PI4KA: variants seen among roughly 807,000 people sequenced by gnomAD.
PI4KA encodes phosphatidylinositol 4-kinase alpha, also known as PI4-kinase alpha.
PI4KA carries 122 observed loss-of-function variants against 271.4 expected under a neutral mutation model. That is an observed-to-expected ratio of 0.45 (90% confidence interval 0.39 to 0.52). The LOEUF (loss-of-function observed/expected upper bound fraction) is 0.52. Ranked by LOEUF, PI4KA falls within the 20% of genes least tolerant of loss-of-function variation. The pLI, the probability that PI4KA is intolerant of heterozygous loss-of-function variation, is 0.00. For synonymous variants in PI4KA, 1,041 were observed against 1,078.8 expected (o/e 0.96, Z 0.69); for missense variants, 1,969 against 2,769.1 (o/e 0.71, Z 6.48).
At chr22:20,788,174 C>G (rs935382287) in intron 19 of PI4KA, among the ~76,000 whole-genome samples, 2 of 152,176 alleles carry the variant, frequency 1.3e-5, no homozygotes, top group Non-Finnish European at 2.9e-5. Flanking sequence ...AGGTGTCTAA[C>G]TGTAACCCCC....
At chr22:20,840,812 T>C (rs1925453750) in intron 1 of PI4KA, among the ~76,000 whole-genome samples, 2 of 152,038 alleles carry the variant, frequency 1.3e-5, no homozygotes, top group African/African-American at 2.4e-5. Flanking sequence ...GCCCAGGAGT[T>C]TGAGACCAGC....
intron 42 of PI4KA, chr22:20,725,541 T>C (rs950462420): frequency 2.2e-6 from 1 of 450,126 alleles, no homozygotes; most frequent in Non-Finnish European, 4.5e-6. Flanking sequence ...AAGGGGAGAT[T>C]AGGACACAGA....
chr22:20,844,954 T>C (rs577791233), intron 1 of PI4KA, among the ~76,000 whole-genome samples: 1 of 152,158 alleles, frequency 6.6e-6, no homozygotes, highest in African/African-American at 2.4e-5. Context: ...AACTAGCAAG[T>C]TGTTTGTTTT....
Position 20,742,697 on chromosome 22 carries a change from T to C in PI4KA, c.3524A>G (p.Gln1175Arg). 6.2e-7 allele frequency: 1 copy of C among 1,614,114 alleles called. No homozygotes were observed. Among genetic ancestry groups the C allele is most frequent in the Non-Finnish European group, 8.5e-7 (1 of 1,179,940 alleles). Residue 1175 changes from glutamine (Q) to arginine (R), a missense_variant, in exon 31 of 55, where the codon CAG (glutamine) becomes CGG (arginine). Coordinates refer to ENST00000255882, the MANE Select transcript of PI4KA (RefSeq NM_058004.4). ...GCGGTCTAAAGCTGAATGTAGATCCTGGACCATCATTTTGTTCAGGTCAGA... is the reference window on the plus strand; with the variant it reads ...GCGGTCTAAAGCTGAATGTAGATCCCGGACCATCATTTTGTTCAGGTCAGA... ...QMSDLNKMMV[Q>R]DLHSALDRSH...
chr22:20,810,861 A>G, intron 9 of PI4KA, 106 bp downstream of exon 9: 2 of 850,554 alleles, frequency 2.4e-6, no homozygotes, highest in Admixed American at 3.7e-5. Context: ...AAGTGAAAAC[A>G]CTGCAAAACC....
Position 20,742,261 on chromosome 22 carries a change from C to T in PI4KA, c.3708G>A (p.Trp1236Ter). 1 of 1,614,162 alleles carries T rather than the reference C, an allele frequency of 6.2e-7. No individual in the cohort carries two copies. Among genetic ancestry groups the T allele is most frequent in the Non-Finnish European group, 8.5e-7 (1 of 1,180,014 alleles). ...CCACTCCATCCTTGCCAGCCAGCAGCCACTCCCAGCAGGCCAGGGCCGTCT... is the reference window on the plus strand; with the variant it reads ...CCACTCCATCCTTGCCAGCCAGCAGTCACTCCCAGCAGGCCAGGGCCGTCT... ...GMETALACWE[W>*]LLAGKDGVEV... Residue 1236 changes from tryptophan (W) to a stop codon, truncating the protein, a stop_gained, in exon 32 of 55, where the codon TGG becomes TGA. Coordinates refer to ENST00000255882, the MANE Select transcript of PI4KA (RefSeq NM_058004.4). LOFTEE classifies it high-confidence loss of function.
intron 45 of PI4KA, among the ~76,000 whole-genome samples, chr22:20,717,025 C>T (rs1926087079): frequency 6.6e-6 from 1 of 152,134 alleles, no homozygotes; most frequent in African/African-American, 2.4e-5. Context: ...GCGGGCAGAT[C>T]ACAAGGTCAG....
At chr22:20,808,656 T>C (rs1026302689) in intron 9 of PI4KA, among the ~76,000 whole-genome samples, 1 of 151,268 alleles carries the variant, frequency 6.6e-6, no homozygotes, top group Non-Finnish European at 1.5e-5. Context: ...GGATGGAAAA[T>C]TATGGTTTAT....
intron 1 of PI4KA, among the ~76,000 whole-genome samples, chr22:20,848,465 A>G (rs955172826): frequency 2.0e-5 from 3 of 152,176 alleles, no homozygotes; most frequent in African/African-American, 4.8e-5. Context: ...ACTTACTACA[A>G]AGCTAAAGTA....
At chr22:20,826,460 A>G (rs1173812433) in intron 3 of PI4KA, among the ~76,000 whole-genome samples, 2 of 152,214 alleles carry the variant, frequency 1.3e-5, no homozygotes, top group Non-Finnish European at 2.9e-5. Flanking sequence ...ACTGATGGGC[A>G]TTTAGGTTGA....
Position 20,751,217 on chromosome 22 carries a change from G to A in PI4KA, c.3153+76C>T, listed in dbSNP as rs1015583322. On this transcript the variant is annotated intron_variant, in intron 27 of 54. Transcript: ENST00000255882. Reference sequence around the variant, plus strand: ...CTGGGGACTGGGTGAGCTCATGCAGGTTGACCATCTCGTGGAAATACTCAG... The same window carrying A: ...CTGGGGACTGGGTGAGCTCATGCAGATTGACCATCTCGTGGAAATACTCAG... 5 of 1,212,790 alleles carry A rather than the reference G, an allele frequency of 4.1e-6. No individual in the cohort carries two copies. In the African/African-American group the frequency reaches 4.5e-5, roughly 11 times the overall value. 75.1% of individuals were successfully genotyped at this position (1,212,790 alleles called of 1,614,324 possible). A position where few individuals can be genotyped will look rare whatever the true frequency, so the allele number is the denominator to read the frequency against.
At chr22:20,755,229 T>G (rs1035530750) in intron 23 of PI4KA, among the ~76,000 whole-genome samples, 12 of 152,250 alleles carry the variant, frequency 7.9e-5, no homozygotes, top group African/African-American at 2.7e-4. Flanking sequence ...CCATTTATTC[T>G]ATTCAAATCA....
chr22:20,709,395 T>C lies in PI4KA; in HGVS notation c.6174-16A>G, dbSNP rs754700117. ...AAACCTGTGCCTGGGGGAGAGGCTGTGTCAGGGCTGCCATGGGCAGGGCCG... is the reference window on the plus strand; with the variant it reads ...AAACCTGTGCCTGGGGGAGAGGCTGCGTCAGGGCTGCCATGGGCAGGGCCG... On this transcript the variant is annotated splice_polypyrimidine_tract_variant and intron_variant, in intron 53 of 54. Coordinates refer to ENST00000255882, the MANE Select transcript of PI4KA (RefSeq NM_058004.4). The C allele has an allele frequency of 2.4e-6, 3 of 1,276,146 alleles. No homozygotes were observed. The highest frequency in any genetic ancestry group is 2.5e-5 in the South Asian group (2 of 80,304). The allele number at this position is 1,276,146 out of a possible 1,614,324, so 79.1% of individuals were successfully genotyped here.
chr22:20,805,249 C>T (rs1052249002), intron 10 of PI4KA, 84 bp from the exon 11 acceptor site: 6 of 964,878 alleles, frequency 6.2e-6, no homozygotes, highest in Admixed American at 2.2e-5. Context: ...CAGTCTTCCC[C>T]TTTTAACAAA....
intron 39 of PI4KA, 75 bp from the exon 40 acceptor site, chr22:20,727,939 G>T: frequency 9.6e-7 from 1 of 1,040,542 alleles, no homozygotes. Context: ...TGGAGTGAGG[G>T]GAGCCAGGGG....
chr22:20,790,993 CA>C (rs1934608270), intron 19 of PI4KA, among the ~76,000 whole-genome samples: 1 of 152,096 alleles, frequency 6.6e-6, no homozygotes, highest in Non-Finnish European at 1.5e-5. Flanking sequence ...CTGCCTGTAC[CA>C]CCCACCCCAG....
chr22:20,798,300 G>C (rs1935098328), intron 17 of PI4KA, among the ~76,000 whole-genome samples: 1 of 152,112 alleles, frequency 6.6e-6, no homozygotes, highest in African/African-American at 2.4e-5. Context: ...TTCATGGTGT[G>C]GCTGATGTGC....
intron 3 of PI4KA, among the ~76,000 whole-genome samples, chr22:20,831,319 A>C (rs999319521): frequency 3.9e-5 from 6 of 152,096 alleles, no homozygotes; most frequent in Admixed American, 1.3e-4. Flanking sequence ...CAATCCCAGC[A>C]CCTTTGTGAG....
rs1004756958 is a variant in PI4KA, at chr22:20,744,817, G to A, written c.3364-97C>T. On this transcript the variant is annotated intron_variant, in intron 29 of 54. Transcript: ENST00000255882. ...TAAACCCAATGAAGCAGTCACACTC[G>A]GGTCTGGGGGTTACTATTAATAAAA... 25 of 847,006 alleles carry A rather than the reference G, an allele frequency of 3.0e-5. No individual in the cohort carries two copies. The South Asian group carries it at 3.1e-4, about 10-fold the overall frequency. The allele number at this position is 847,006 out of a possible 1,614,324, so 52.5% of individuals were successfully genotyped here.
Sources: gnomAD v4.1 joint callset for allele counts (sites outside exome capture counted in the v4.1 genomes callset) on GRCh38, gnomAD v4.1.1 for gene constraint, MANE v1.5 for transcripts, NCBI Gene and HGNC (gene_info 2026-07-23, HGNC 2026-07-21) for gene names.